The following NAV3 variants were observed in gnomAD, a reference collection of about 807,000 sequenced individuals.
NAV3 encodes neuron navigator 3.
In NAV3, 87 loss-of-function variants were observed where a neutral mutation model predicts 244.7. The observed-to-expected ratio is 0.36, with a 90% CI of 0.30 to 0.42. NAV3 has a LOEUF of 0.42. NAV3 is among the 20% of genes least tolerant of loss of function. The pLI, the probability that NAV3 is intolerant of heterozygous loss-of-function variation, is 1.00. For synonymous variants in NAV3, 1,126 were observed against 1,042.2 expected (o/e 1.08, Z -1.55); for missense variants, 2,663 against 2,893.3 (o/e 0.92, Z 1.83).
intron 1 of NAV3, among the ~76,000 whole-genome samples, chr12:77,885,358 CT>C (rs1216400696): frequency 6.6e-6 from 1 of 152,000 alleles, no homozygotes; most frequent in Non-Finnish European, 1.5e-5. Context: ...TGTACTGCTG[CT>C]TTTTTTCTGC....
chr12:77,893,734 G>A (rs1213752754), intron 1 of NAV3, among the ~76,000 whole-genome samples: 1 of 152,164 alleles, frequency 6.6e-6, no homozygotes, highest in Non-Finnish European at 1.5e-5. Context: ...ATGAGGCTTT[G>A]GAACAGTGAC....
At chr12:77,943,053 C>T (rs1057401824) in intron 3 of NAV3, among the ~76,000 whole-genome samples, 9 of 152,132 alleles carry the variant, frequency 5.9e-5, no homozygotes, top group African/African-American at 7.2e-5. Flanking sequence ...AATAAACAGG[C>T]AAGCTTATAC....
chr12:77,873,691 A>T (rs1160535647), intron 1 of NAV3, among the ~76,000 whole-genome samples: 1 of 100,674 alleles, frequency 9.9e-6, no homozygotes, highest in Admixed American at 9.1e-5. Context: ...ATATATATAT[A>T]TATATATATA....
intron 12 of NAV3, among the ~76,000 whole-genome samples, chr12:78,116,086 C>T (rs1221440011): frequency 6.6e-6 from 1 of 152,106 alleles, no homozygotes; most frequent in African/African-American, 2.4e-5. Context: ...GGATGTTGAG[C>T]AAGGTTATGA....
intron 2 of NAV3, among the ~76,000 whole-genome samples, chr12:77,718,951 G>A: frequency 6.6e-6 from 1 of 152,034 alleles, no homozygotes; most frequent in Admixed American, 6.6e-5. Flanking sequence ...CACTGCACCT[G>A]GTCAGGATGT....
chr12:77,700,482 A>C (rs1875513921), intron 2 of NAV3, among the ~76,000 whole-genome samples: 1 of 152,146 alleles, frequency 6.6e-6, no homozygotes, highest in Admixed American at 6.6e-5. Context: ...GACAGTTTAA[A>C]TTCTTTCTGT....
At chr12:77,825,814 A>G (rs540708027) in intron 2 of NAV3, among the ~76,000 whole-genome samples, 15 of 152,302 alleles carry the variant, frequency 9.8e-5, no homozygotes, top group African/African-American at 3.4e-4. Context: ...ACCGAAATAT[A>G]TAAATAATTG....
At position 78,116,828 on chromosome 12, in the gene NAV3, G is replaced by A. The variant is rs1955404301; in HGVS notation, c.2693G>A (p.Ser898Asn). The A allele has an allele frequency of 6.2e-7, 1 of 1,612,376 alleles. No homozygotes were observed. Among genetic ancestry groups the A allele is most frequent in the Non-Finnish European group, 8.5e-7 (1 of 1,178,924 alleles). The part of the protein sequence containing the change: ...SGLSDTLDNI[S>N]TDDLNTTSSV... ...CTCAGTGACACCCTTGATAACATCAGCACTGATGACCTGAACACCACATCC... is the reference window on the plus strand; with the variant it reads ...CTCAGTGACACCCTTGATAACATCAACACTGATGACCTGAACACCACATCC... Residue 898 changes from serine (S) to asparagine (N), a missense_variant, in exon 13 of 40, where the codon AGC becomes AAC. Physicochemically the swap from Ser to Asn is conservative, Grantham distance 46. Coordinates refer to ENST00000397909, the MANE Select transcript of NAV3 (RefSeq NM_001024383.2).
At chr12:77,929,448 G>C (rs1022013580) in intron 1 of NAV3, among the ~76,000 whole-genome samples, 3 of 152,046 alleles carry the variant, frequency 2.0e-5, no homozygotes, top group Non-Finnish European at 1.5e-5. Flanking sequence ...GGAGACACCA[G>C]TATCTAGCTA....
chr12:77,813,744 G>A (rs960692902), intron 2 of NAV3, among the ~76,000 whole-genome samples: 22 of 152,074 alleles, frequency 1.4e-4, no homozygotes, highest in African/African-American at 3.4e-4. Flanking sequence ...CCACACAGTC[G>A]GCATTAGATT....
intron 2 of NAV3, among the ~76,000 whole-genome samples, chr12:77,722,758 T>C (rs1876696184): frequency 1.3e-5 from 2 of 152,040 alleles, no homozygotes; most frequent in Admixed American, 1.3e-4. Context: ...TTAATCCAAA[T>C]GTTTATATTA....
chr12:78,112,489 A>G (rs767240154), intron 12 of NAV3, among the ~76,000 whole-genome samples: 32 of 152,174 alleles, frequency 2.1e-4, no homozygotes, highest in Non-Finnish European at 4.4e-4. Context: ...AGTTATAATC[A>G]TGGGGGAAGG....
chr12:77,599,858 A>G (rs949603727), intron 2 of NAV3, among the ~76,000 whole-genome samples: 2 of 152,004 alleles, frequency 1.3e-5, no homozygotes, highest in Admixed American at 6.6e-5. Context: ...GGGAAGTCAA[A>G]CACAAACAAA....
intron 2 of NAV3, among the ~76,000 whole-genome samples, chr12:77,810,929 C>G (rs759619937): frequency 3.3e-5 from 5 of 151,994 alleles, no homozygotes; most frequent in Non-Finnish European, 7.4e-5. Context: ...TGTAGGGTGA[C>G]GAAAGCAAAA....
chr12:78,195,722 T>G (rs1257814847), intron 34 of NAV3, among the ~76,000 whole-genome samples: 2 of 152,032 alleles, frequency 1.3e-5, no homozygotes, highest in African/African-American at 4.8e-5. Flanking sequence ...CCACTCAGGC[T>G]CCAGTGTTAC....
intron 22 of NAV3, among the ~76,000 whole-genome samples, chr12:78,157,027 A>G (rs1565735206): frequency 2.0e-5 from 3 of 152,148 alleles, no homozygotes; most frequent in African/African-American, 4.8e-5. Context: ...GGTAGGAAAA[A>G]CTATAAAGAA....
In NAV3 at chr12:77,692,294, TTACTA is replaced by T. The variant is rs1318588920; in HGVS notation, c.72+120032_72+120036del. On this transcript the variant is annotated intron_variant, in intron 2 of 8. Transcript: ENST00000550042. ...AATAAAATATTTTACATTTATGATT[TTACTA>T]TACAAGAGTTTATTTTATAATAGCA... 2.6e-5 allele frequency among the ~76,000 whole-genome samples: 4 copies of T among 152,238 alleles called. No individual in the cohort carries two copies. The South Asian group carries it at 8.3e-4, about 32-fold the overall frequency.
At chr12:77,940,630 G>A (rs1211727589) in intron 2 of NAV3, among the ~76,000 whole-genome samples, 194 bp downstream of exon 2, 2 of 152,204 alleles carry the variant, frequency 1.3e-5, no homozygotes. Flanking sequence ...TAAATAACTA[G>A]AACTGTATCT....
chr12:78,006,906 C>T lies in NAV3; in HGVS notation c.1368C>T (p.Leu456=), dbSNP rs1874329461. 1 of 1,613,992 alleles carries T rather than the reference C, an allele frequency of 6.2e-7. No individual in the cohort carries two copies. The highest frequency in any genetic ancestry group is 1.6e-4 in the Middle Eastern group (1 of 6,062). The change falls in exon 8 of 40, where the codon CTC becomes CTT. Residue 456 remains leucine (L), a synonymous_variant. Coordinates refer to ENST00000397909, the MANE Select transcript of NAV3 (RefSeq NM_001024383.2). The part of the protein sequence containing the change: ...LAPPKAGSKN[L]SNKKSLLQPK... ...CTCCAAAAGCTGGAAGCAAAAATCT[C>T]AGCAATAAAAAGTCTTTGCTACAGC...
Sources: allele counts gnomAD v4.1 joint callset (sites outside exome capture counted in the v4.1 genomes callset), GRCh38; gene constraint gnomAD v4.1.1; transcripts MANE v1.5; gene names NCBI Gene and HGNC (gene_info 2026-07-23, HGNC 2026-07-21).